SYN3: variants seen among roughly 807,000 people sequenced by gnomAD.
The protein encoded by SYN3 is synapsin-3.
Under a neutral mutation model 65.8 loss-of-function variants are expected in SYN3, and 35 were observed. The observed-to-expected ratio is 0.53, with a 90% CI of 0.41 to 0.70. The LOEUF (loss-of-function observed/expected upper bound fraction) is 0.70. Among genes scored for constraint, SYN3 ranks in the 30% least tolerant of loss-of-function variants. The pLI is 0.00. For synonymous variants in SYN3, 270 were observed against 292.9 expected (o/e 0.92, Z 0.80); for missense variants, 680 against 749.0 (o/e 0.91, Z 1.08).
At chr22:32,561,649 C>G (rs1021043403) in intron 7 of SYN3, among the ~76,000 whole-genome samples, 1 of 152,192 alleles carries the variant, frequency 6.6e-6, no homozygotes, top group East Asian at 1.9e-4. Flanking sequence ...GCCACTCACC[C>G]GTCCCCGGAG....
At chr22:32,993,024 C>G (rs2052767649) in intron 2 of SYN3, among the ~76,000 whole-genome samples, 1 of 152,120 alleles carries the variant, frequency 6.6e-6, no homozygotes, top group Non-Finnish European at 1.5e-5. Context: ...GCCCGCAGAG[C>G]AAGGAGTAGA....
In SYN3 at chr22:33,046,806, G is replaced by A. The variant is rs1374873412; in HGVS notation, c.-163+11486C>T. Among the ~76,000 whole-genome samples, 6 of 138,936 alleles carry A rather than the reference G, an allele frequency of 4.3e-5. No homozygotes were observed. In the Admixed American group the frequency reaches 4.8e-4, roughly 11 times the overall value. 91.1% of individuals were successfully genotyped at this position (138,936 alleles called of 152,430 possible). A position where few individuals can be genotyped will look rare whatever the true frequency, so the allele number is the denominator to read the frequency against. ...TGCAGTGAGGTGAGACCACACCACT[G>A]CACTCCAGCCTGGGCAACAGAGCAA... On this transcript the variant is annotated intron_variant, in intron 1 of 13. Transcript: ENST00000358763.
At position 32,510,829 on chromosome 22, in the gene SYN3, T is replaced by C. The variant is rs1345079334; in HGVS notation, c.*2863A>G. 6.6e-6 allele frequency among the ~76,000 whole-genome samples: 1 copy of C among 152,084 alleles called. No individual in the cohort carries two copies. The highest frequency in any genetic ancestry group is 6.5e-5 in the Admixed American group (1 of 15,272). ...TCTGAGAGGCTGGTATTCTGGTTCT[T>C]TCATCGTGTGACTTATACTAGTGAT... is the stretch of plus-strand genomic sequence containing the variant. On this transcript the variant is annotated 3_prime_UTR_variant, in exon 14 of 14. Transcript: ENST00000358763.
intron 6 of SYN3, among the ~76,000 whole-genome samples, chr22:32,633,210 C>A (rs531597367): frequency 6.6e-6 from 1 of 152,362 alleles, no homozygotes; most frequent in South Asian, 2.1e-4. Flanking sequence ...ATTATTTTTA[C>A]GAAATACTTC....
At chr22:32,909,731 T>C (rs1408621408) in intron 4 of SYN3, among the ~76,000 whole-genome samples, 1 of 150,636 alleles carries the variant, frequency 6.6e-6, no homozygotes, top group African/African-American at 2.4e-5. Flanking sequence ...TGTATCCCAT[T>C]AACACTATGA....
chr22:32,886,144 T>TA (rs1670040443), intron 4 of SYN3, among the ~76,000 whole-genome samples: 2 of 152,246 alleles, frequency 1.3e-5, no homozygotes, highest in African/African-American at 2.4e-5. Flanking sequence ...ACAATATTGC[T>TA]AAGTGTGTTT....
chr22:32,952,660 C>A (rs762919871), intron 3 of SYN3, among the ~76,000 whole-genome samples: 1 of 151,980 alleles, frequency 6.6e-6, no homozygotes, highest in Non-Finnish European at 1.5e-5. Context: ...GGACTCGAAG[C>A]GGAAGGCTCA....
chr22:32,847,169 G>A (rs564363894), intron 6 of SYN3, among the ~76,000 whole-genome samples: 1 of 152,324 alleles, frequency 6.6e-6, no homozygotes, highest in East Asian at 1.9e-4. Flanking sequence ...GGAAGAATCA[G>A]TGGTAAAGGC....
intron 6 of SYN3, among the ~76,000 whole-genome samples, chr22:32,645,333 C>G (rs1440976586): frequency 6.6e-6 from 1 of 151,994 alleles, no homozygotes; most frequent in Non-Finnish European, 1.5e-5. Flanking sequence ...TGCCTGTAAT[C>G]CCAGCTACTT....
At chr22:32,955,408 C>A (rs934006971) in intron 3 of SYN3, among the ~76,000 whole-genome samples, 6 of 152,128 alleles carry the variant, frequency 3.9e-5, no homozygotes, top group Admixed American at 3.9e-4. Context: ...GACATTTGGG[C>A]AAAGCACCTG....
At chr22:32,934,561 A>T (rs757488843) in intron 3 of SYN3, among the ~76,000 whole-genome samples, 8 of 152,244 alleles carry the variant, frequency 5.3e-5, no homozygotes, top group Non-Finnish European at 1.0e-4. Context: ...AACCTTCAGC[A>T]CCATGGAAAT....
intron 1 of SYN3, among the ~76,000 whole-genome samples, chr22:33,053,738 C>G (rs2054209436): frequency 2.0e-5 from 3 of 152,140 alleles, no homozygotes; most frequent in Non-Finnish European, 4.4e-5. Context: ...CACCCGCCAA[C>G]CCCCAAACCA....
chr22:32,968,933 G>A (rs553912857), intron 3 of SYN3, among the ~76,000 whole-genome samples: 3 of 152,182 alleles, frequency 2.0e-5, no homozygotes, highest in Non-Finnish European at 4.4e-5. Context: ...TGAAGGAACA[G>A]GTTCAGATAA....
intron 4 of SYN3, among the ~76,000 whole-genome samples, chr22:32,901,679 C>T (rs917442417): frequency 1.3e-5 from 2 of 152,230 alleles, no homozygotes; most frequent in African/African-American, 2.4e-5. Flanking sequence ...CAGGACAACC[C>T]TCCGAAGTCG....
At chr22:32,572,269 TCC>T (rs1189528050) in intron 7 of SYN3, among the ~76,000 whole-genome samples, 1 of 109,290 alleles carries the variant, frequency 9.1e-6, no homozygotes, top group African/African-American at 3.7e-5. Context: ...CTTCCTTCCT[TCC>T]CCCCTCCCTC....
rs1346226812 is a variant in SYN3 at position 32,512,198 on chromosome 22, A to G, written c.*1494T>C. ...CCTGGATGGATCTTGGCTGATTACCAAACAATCTACATTGCTTGGGCATAA... is the reference window on the plus strand; with the variant it reads ...CCTGGATGGATCTTGGCTGATTACCGAACAATCTACATTGCTTGGGCATAA... On this transcript the variant is annotated 3_prime_UTR_variant, in exon 14 of 14. Coordinates refer to ENST00000358763, the MANE Select transcript of SYN3 (RefSeq NM_003490.4). 6.6e-6 allele frequency among the ~76,000 whole-genome samples: 1 copy of G among 152,224 alleles called. No homozygotes were observed. Among genetic ancestry groups the G allele is most frequent in the African/African-American group, 2.4e-5 (1 of 41,454 alleles).
chr22:32,755,383 G>A (rs2045258924), intron 6 of SYN3, among the ~76,000 whole-genome samples: 2 of 152,154 alleles, frequency 1.3e-5, no homozygotes, highest in South Asian at 4.1e-4. Flanking sequence ...GAGAGCCCTT[G>A]AAAGCTAATC....
chr22:32,744,962 A>C (rs1403764279), intron 6 of SYN3, among the ~76,000 whole-genome samples: 3 of 152,186 alleles, frequency 2.0e-5, no homozygotes, highest in Admixed American at 2.0e-4. Context: ...AGCAATGTTT[A>C]CGGGGCACCC....
chr22:32,568,897 C>T (rs1419819773), intron 7 of SYN3, among the ~76,000 whole-genome samples: 2 of 152,178 alleles, frequency 1.3e-5, no homozygotes, highest in Non-Finnish European at 2.9e-5. Context: ...ACTGAGGGGC[C>T]TCCTGAAGCT....
Sources: allele counts gnomAD v4.1 joint callset (sites outside exome capture counted in the v4.1 genomes callset), GRCh38; gene constraint gnomAD v4.1.1; transcripts MANE v1.5; gene names NCBI Gene and HGNC (gene_info 2026-07-23, HGNC 2026-07-21).